Variants in NALF1 observed in about 807,000 individuals in gnomAD.
NALF1 encodes the protein NALCN channel auxiliary factor 1, also known as family with sequence similarity 155 member A.
A neutral mutation model predicts 48.4 loss-of-function variants in NALF1; 3 were observed. The ratio of observed to expected loss-of-function variants is 0.06; its 90% confidence interval spans 0.03 to 0.16. NALF1 has a LOEUF of 0.16. NALF1 is among the 10% of genes least tolerant of loss of function. The probability of loss-of-function intolerance (pLI) is 1.00; values close to 1 mark genes in which losing one functional copy is unlikely to be tolerated. For missense variants in NALF1, 526 were observed against 571.5 expected, an observed-to-expected ratio of 0.92 and a Z score of 0.81; for synonymous variants, 262 against 245.7, an observed-to-expected ratio of 1.07 and a Z score of -0.62.
chr13:107,836,396 C>T (rs1391278711), intron 1 of NALF1, among the ~76,000 whole-genome samples: 1 of 152,154 alleles, frequency 6.6e-6, no homozygotes, highest in East Asian at 1.9e-4. Flanking sequence ...ACAAAAGGCA[C>T]TTAGGAGAGA....
chr13:107,548,173 T>C (rs1877184968), intron 1 of NALF1, among the ~76,000 whole-genome samples: 1 of 152,098 alleles, frequency 6.6e-6, no homozygotes, highest in Admixed American at 6.6e-5. Context: ...TCCCTTGTGT[T>C]CATGAGTTCT....
chr13:107,242,498 G>A (rs1164817198), intron 1 of NALF1, among the ~76,000 whole-genome samples: 1 of 152,198 alleles, frequency 6.6e-6, no homozygotes, highest in African/African-American at 2.4e-5. Flanking sequence ...TAAGTAGCAT[G>A]TTGGTTTTTT....
At chr13:107,292,224 T>C (rs1338778509) in intron 1 of NALF1, among the ~76,000 whole-genome samples, 1 of 151,976 alleles carries the variant, frequency 6.6e-6, no homozygotes, top group Non-Finnish European at 1.5e-5. Flanking sequence ...ACTGTAAAAA[T>C]ACAGTATAAA....
intron 1 of NALF1, among the ~76,000 whole-genome samples, chr13:107,234,751 A>G (rs545427969): frequency 3.9e-5 from 6 of 152,312 alleles, no homozygotes; most frequent in Admixed American, 3.3e-4. Context: ...GAGCATTTTC[A>G]GCTCTTCTCC....
At position 107,359,103 on chromosome 13, in the gene NALF1, C is replaced by T. The variant is rs78928808; in HGVS notation, c.916-148348G>A. ...CAAAACATGCTTTGAACATTCCCCT[C>T]CCTGAAATTCTGTTCATTCCTCTGT... On this transcript the variant is annotated intron_variant, in intron 1 of 2. Coordinates refer to ENST00000375915, the MANE Select transcript of NALF1 (RefSeq NM_001080396.3). 3.5e-4 allele frequency among the ~76,000 whole-genome samples: 53 copies of T among 152,246 alleles called. 1 individual carries two copies. In the East Asian group the frequency reaches 9.8e-3, roughly 28 times the overall value.
intron 1 of NALF1, among the ~76,000 whole-genome samples, chr13:107,721,911 G>A (rs1007074367): frequency 9.2e-5 from 14 of 152,094 alleles, no homozygotes; most frequent in Admixed American, 8.5e-4. Flanking sequence ...TTTTTTGAAC[G>A]AGGCTTTTGG....
intron 1 of NALF1, among the ~76,000 whole-genome samples, chr13:107,554,736 T>C (rs1877404821): frequency 6.6e-6 from 1 of 152,168 alleles, no homozygotes; most frequent in Admixed American, 6.5e-5. Flanking sequence ...TCACATTTGC[T>C]ACCCGCAGTT....
intron 1 of NALF1, among the ~76,000 whole-genome samples, chr13:107,586,777 T>G (rs1381291473): frequency 6.6e-6 from 1 of 151,812 alleles, no homozygotes; most frequent in Non-Finnish European, 1.5e-5. Context: ...CAACATTCTG[T>G]GTCAGTTACC....
chr13:107,604,256 A>G (rs1357028082), intron 1 of NALF1, among the ~76,000 whole-genome samples: 1 of 152,196 alleles, frequency 6.6e-6, no homozygotes, highest in Non-Finnish European at 1.5e-5. Flanking sequence ...CATGCTGTTT[A>G]GAGGGCTTAG....
intron 1 of NALF1, among the ~76,000 whole-genome samples, chr13:107,778,090 G>A (rs1327067615): frequency 2.6e-5 from 4 of 152,338 alleles, no homozygotes; most frequent in Non-Finnish European, 5.9e-5. Flanking sequence ...ATCCTGCGAT[G>A]AGGGAGACCT....
intron 1 of NALF1, among the ~76,000 whole-genome samples, chr13:107,223,325 C>T (rs1880032596): frequency 6.6e-6 from 1 of 151,980 alleles, no homozygotes; most frequent in South Asian, 2.1e-4. Context: ...TCAATCAAAA[C>T]AGTGTTAATA....
chr13:107,274,057 A>G (rs1372007779), intron 1 of NALF1, among the ~76,000 whole-genome samples: 4 of 152,160 alleles, frequency 2.6e-5, no homozygotes, highest in Admixed American at 2.6e-4. Context: ...CTAAATTTTA[A>G]TAGTCAATAA....
At chr13:107,381,307 C>T (rs1179922183) in intron 1 of NALF1, among the ~76,000 whole-genome samples, 1 of 150,988 alleles carries the variant, frequency 6.6e-6, no homozygotes, top group African/African-American at 2.4e-5. Flanking sequence ...CTCAAGCGAT[C>T]CTGCAGCCTC....
At chr13:107,191,415 T>A (rs1479947664) in intron 2 of NALF1, among the ~76,000 whole-genome samples, 2 of 152,184 alleles carry the variant, frequency 1.3e-5, no homozygotes, top group Non-Finnish European at 2.9e-5. Context: ...CTTGTGATAG[T>A]TTAGATATTT....
chr13:107,797,249 A>G (rs1208243819), intron 1 of NALF1, among the ~76,000 whole-genome samples: 1 of 152,094 alleles, frequency 6.6e-6, no homozygotes, highest in East Asian at 1.9e-4. Context: ...TCTGTCACCC[A>G]GGCTGGAGTG....
At chr13:107,179,217 T>C (rs1165068111) in intron 2 of NALF1, among the ~76,000 whole-genome samples, 2 of 152,052 alleles carry the variant, frequency 1.3e-5, no homozygotes, top group Non-Finnish European at 2.9e-5. Flanking sequence ...TACAACAATA[T>C]AGATGGAAAT....
intron 1 of NALF1, among the ~76,000 whole-genome samples, chr13:107,449,363 A>C (rs1018183736): frequency 2.6e-5 from 4 of 152,192 alleles, no homozygotes; most frequent in African/African-American, 7.2e-5. Flanking sequence ...CCTGAAAATC[A>C]AAAGTAGGAA....
chr13:107,769,705 A>G (rs1310620225), intron 1 of NALF1, among the ~76,000 whole-genome samples: 1 of 148,666 alleles, frequency 6.7e-6, no homozygotes, highest in Non-Finnish European at 1.5e-5. Context: ...AAAAAAAAAG[A>G]AGAAATAAAC....
intron 1 of NALF1, among the ~76,000 whole-genome samples, chr13:107,405,161 C>A (rs754203146): frequency 6.6e-6 from 1 of 151,936 alleles, no homozygotes; most frequent in South Asian, 2.1e-4. Context: ...CATTCAATTT[C>A]CCCTCCCCAA....
Sources: allele counts gnomAD v4.1 joint callset (sites outside exome capture counted in the v4.1 genomes callset), GRCh38; gene constraint gnomAD v4.1.1; transcripts MANE v1.5; gene names NCBI Gene and HGNC (gene_info 2026-07-23, HGNC 2026-07-21).